Variants in AFF4 observed in about 807,000 individuals in gnomAD.
AFF4 encodes ALF transcription elongation factor 4, also known as AF4/FMR2 family member 4.
In AFF4, 13 loss-of-function variants were observed where a neutral mutation model predicts 124.8. The ratio of observed to expected loss-of-function variants is 0.10; its 90% CI spans 0.07 to 0.17. The LOEUF is 0.17. Ranked by LOEUF, AFF4 falls within the 10% of genes least tolerant of loss-of-function variation. The pLI, the probability that AFF4 is intolerant of heterozygous loss-of-function variation, is 1.00. For synonymous variants in AFF4, 477 were observed against 496.1 expected (o/e 0.96, Z 0.51); for missense variants, 1,092 against 1,403.8 (o/e 0.78, Z 3.55).
chr5:132,911,500 A>G (rs1760789457), intron 5 of AFF4, among the ~76,000 whole-genome samples: 1 of 152,086 alleles, frequency 6.6e-6, no homozygotes, highest in Non-Finnish European at 1.5e-5. Context: ...AGTGAACCTA[A>G]AGACACAGCA....
In AFF4 at chr5:132,881,173, T is replaced by C; in HGVS notation, c.3378A>G (p.Glu1126=). ...LSKEQKEFFA[E]LDKVMGPLIF... Reference sequence around the variant, plus strand: ...TGAGAGGGCCCATTACTTTATCCAGTTCAGCAAAGAATTCTAGAAAACCAA... The same window carrying C: ...TGAGAGGGCCCATTACTTTATCCAGCTCAGCAAAGAATTCTAGAAAACCAA... Residue 1126 remains glutamate, a synonymous_variant, in exon 21 of 21, where the codon GAA becomes GAG. Transcript: ENST00000265343. 5 of 1,613,848 alleles carry C rather than the reference T, an allele frequency of 3.1e-6. No individual in the cohort carries two copies. The highest frequency in any genetic ancestry group is 4.2e-6 in the Non-Finnish European group (5 of 1,179,898).
intron 1 of AFF4, among the ~76,000 whole-genome samples, chr5:132,940,343 A>T (rs899719674): frequency 3.3e-5 from 5 of 151,476 alleles, no homozygotes; most frequent in African/African-American, 1.2e-4. Flanking sequence ...CTAAAAATAT[A>T]AAAAGAAATT....
rs746609015 is a variant in AFF4 at position 132,897,052 on chromosome 5, G to A, written c.1578C>T (p.Ser526=). 48 of 1,613,958 alleles carry A rather than the reference G, an allele frequency of 3.0e-5. No individual in the cohort carries two copies. Among genetic ancestry groups the A allele is most frequent in the Non-Finnish European group, 3.6e-5 (43 of 1,180,008 alleles). Residue 526 remains serine (S), a synonymous_variant, in exon 11 of 21, where the codon TCC becomes TCT. Coordinates refer to ENST00000265343, the MANE Select transcript of AFF4 (RefSeq NM_014423.4). ...TTTTGGAGTCTCGTCCCGGAGTAGC[G>A]GAACTCGTTTCTTTAGGTCCACTTG... ...TDTSGPKETS[S]ATPGRDSKTI...
intron 5 of AFF4, among the ~76,000 whole-genome samples, chr5:132,924,457 G>A (rs1248682712): frequency 1.3e-5 from 2 of 152,188 alleles, no homozygotes; most frequent in Non-Finnish European, 2.9e-5. Context: ...CAGTGGTGGA[G>A]GCGAGGGAGA....
intron 5 of AFF4, among the ~76,000 whole-genome samples, chr5:132,924,374 C>T (rs937365809): frequency 6.6e-6 from 1 of 152,164 alleles, no homozygotes; most frequent in African/African-American, 2.4e-5. Context: ...GTACTGATTC[C>T]ATTTACATGA....
chr5:132,949,259 C>T (rs74396406), intron 1 of AFF4, among the ~76,000 whole-genome samples: 2,144 of 133,270 alleles, frequency 0.016, 60 homozygotes, highest in African/African-American at 0.059. Flanking sequence ...ATTGCTCAGG[C>T]TTGTTTCAAA....
chr5:132,920,045 CTTTTTCTT>C (rs996192815), intron 5 of AFF4, among the ~76,000 whole-genome samples: 2 of 151,266 alleles, frequency 1.3e-5, no homozygotes, highest in African/African-American at 2.4e-5. Context: ...AAAGATTTTT[CTTTTTCTT>C]TTTTTCTTTT....
At chr5:132,931,148 G>A (rs1331707090) in intron 4 of AFF4, among the ~76,000 whole-genome samples, 1 of 150,976 alleles carries the variant, frequency 6.6e-6, no homozygotes, top group East Asian at 1.9e-4. Flanking sequence ...GGGTGCAGTG[G>A]CTCAGGCTAT....
At chr5:132,892,454 T>A (rs767634124) in intron 12 of AFF4, 50 bp from the exon 13 acceptor site, 5 of 1,543,298 alleles carry the variant, frequency 3.2e-6, no homozygotes, top group Middle Eastern at 2.2e-4. Flanking sequence ...AATACAGGGG[T>A]AATTGATTTT....
rs1005898328 is a variant in AFF4 at position 132,963,353 on chromosome 5, C to T, written c.-99G>A. 7.6e-6 allele frequency: 3 copies of T among 397,350 alleles called. No homozygotes were observed. The highest frequency in any genetic ancestry group is 1.3e-5 in the Non-Finnish European group (3 of 225,154). 24.6% of individuals were successfully genotyped at this position (397,350 alleles called of 1,614,324 possible). A position where few individuals can be genotyped will look rare whatever the true frequency, so the allele number is the denominator to read the frequency against. ...TTCACCGGACGCGCATTCGAGCCCG[C>T]CCAGGGGGCGGTGACAGGCTGCCAA... On this transcript the variant is annotated 5_prime_UTR_variant, in exon 1 of 21. Coordinates refer to ENST00000265343, the MANE Select transcript of AFF4 (RefSeq NM_014423.4).
chr5:132,960,297 G>A (rs1396305768), intron 1 of AFF4, among the ~76,000 whole-genome samples: 3 of 152,096 alleles, frequency 2.0e-5, no homozygotes, highest in African/African-American at 7.2e-5. Context: ...TTCATAGTGA[G>A]ATATCTGTAG....
rs531979327 is a variant in AFF4, at chr5:132,928,674, C to A, written c.964-1467G>T. 3.3e-5 allele frequency among the ~76,000 whole-genome samples: 5 copies of A among 152,232 alleles called. No homozygotes were observed. In the South Asian group the frequency reaches 1.0e-3, roughly 31 times the overall value. On this transcript the variant is annotated intron_variant, in intron 4 of 20. Transcript: ENST00000265343. ...ATTACCAGACATCTATAAAATAGAA[C>A]ACCAGACATTAAAATGAGAAATTTA...
At chr5:132,882,410 A>G (rs1434729962) in intron 20 of AFF4, among the ~76,000 whole-genome samples, 1 of 152,156 alleles carries the variant, frequency 6.6e-6, no homozygotes, top group African/African-American at 2.4e-5. Flanking sequence ...AGCTGCATGC[A>G]CATATTTGCT....
chr5:132,883,825 T>C (rs1760047329), intron 19 of AFF4, among the ~76,000 whole-genome samples: 1 of 152,212 alleles, frequency 6.6e-6, no homozygotes, highest in South Asian at 2.1e-4. Flanking sequence ...ATGTACCTTG[T>C]TACAGTTCAA....
At chr5:132,940,109 A>C (rs1367440404) in intron 1 of AFF4, among the ~76,000 whole-genome samples, 2 of 152,192 alleles carry the variant, frequency 1.3e-5, no homozygotes, top group Non-Finnish European at 2.9e-5. Flanking sequence ...CTGAGGCAGG[A>C]GAACTGCATG....
rs1760422010 is a variant in AFF4, at chr5:132,897,039, G to C, written c.1591C>G (p.Arg531Gly). The change falls in exon 11 of 21, where the codon CGA becomes GGA. Residue 531 changes from arginine to glycine, a missense_variant. By Grantham distance (125) the Arg-to-Gly change is moderately radical (BLOSUM62 -2). Transcript: ENST00000265343. Reference protein sequence around the residue: ...PKETSSATPGRDSKTIQKGSE... With the variant: ...PKETSSATPGGDSKTIQKGSE... ...CCCTTTTGGATGGTTTTGGAGTCTC[G>C]TCCCGGAGTAGCGGAACTCGTTTCT... is the stretch of plus-strand genomic sequence containing the variant. The C allele has an allele frequency of 6.2e-7, 1 of 1,614,016 alleles. No homozygotes were observed. The highest frequency in any genetic ancestry group is 1.3e-5 in the African/African-American group (1 of 74,900).
intron 4 of AFF4, among the ~76,000 whole-genome samples, chr5:132,931,512 TA>T (rs1761299538): frequency 6.6e-6 from 1 of 152,230 alleles, no homozygotes; most frequent in African/African-American, 2.4e-5. Flanking sequence ...CAAAGCAAGG[TA>T]TTTTGATCAT....
At position 132,879,435 on chromosome 5, in the gene AFF4, A is replaced by G. The variant is rs1459461705; in HGVS notation, c.*1624T>C. 4.9e-6 allele frequency: 1 copy of G among 204,976 alleles called. No individual in the cohort carries two copies. The highest frequency in any genetic ancestry group is 1.0e-5 in the Non-Finnish European group (1 of 100,088). 12.7% of individuals were successfully genotyped at this position (204,976 alleles called of 1,614,324 possible). A position where few individuals can be genotyped will look rare whatever the true frequency, so the allele number is the denominator to read the frequency against. Reference sequence around the variant, plus strand: ...ACAAACTATTTTTCAAAGCAGCATTACCCAACTGGTTAGACTAAGTCATGT... The same window carrying G: ...ACAAACTATTTTTCAAAGCAGCATTGCCCAACTGGTTAGACTAAGTCATGT... On this transcript the variant is annotated 3_prime_UTR_variant, in exon 21 of 21. Coordinates refer to ENST00000265343, the MANE Select transcript of AFF4 (RefSeq NM_014423.4).
chr5:132,889,302 A>G, intron 13 of AFF4, 129 bp from the exon 14 acceptor site: 1 of 637,928 alleles, frequency 1.6e-6, no homozygotes, highest in Non-Finnish European at 2.7e-6. Flanking sequence ...TTTCCTTGTT[A>G]CAAAACTTTT....
Sources: gnomAD v4.1 joint callset for allele counts (sites outside exome capture counted in the v4.1 genomes callset) on GRCh38, gnomAD v4.1.1 for gene constraint, MANE v1.5 for transcripts, NCBI Gene and HGNC (gene_info 2026-07-23, HGNC 2026-07-21) for gene names.